RCAN2: variants seen among roughly 807,000 people sequenced by gnomAD.
RCAN2 encodes the protein regulator of calcineurin 2.
A neutral mutation model predicts 23.6 loss-of-function variants in RCAN2; 9 were observed. That is an observed-to-expected ratio of 0.38 (90% CI 0.23 to 0.67). RCAN2 has a LOEUF of 0.67. Ranked by LOEUF, RCAN2 falls within the 30% of genes least tolerant of loss-of-function variation. RCAN2 has a pLI of 0.51. For synonymous variants in RCAN2, 109 were observed against 115.7 expected, an observed-to-expected ratio of 0.94 and a Z score of 0.37; for missense variants, 273 against 302.3, an observed-to-expected ratio of 0.90 and a Z score of 0.72.
At chr6:46,249,322 T>C (rs867934819) in intron 2 of RCAN2, among the ~76,000 whole-genome samples, 24 of 146,308 alleles carry the variant, frequency 1.6e-4, no homozygotes, top group African/African-American at 2.5e-4. Context: ...TCTTTCTTTT[T>C]TTTTTTTTTT....
At chr6:46,334,291 G>A (rs2150368764) in intron 2 of RCAN2, among the ~76,000 whole-genome samples, 1 of 152,330 alleles carries the variant, frequency 6.6e-6, no homozygotes, top group Non-Finnish European at 1.5e-5. Context: ...TCCTTGAGAA[G>A]CGGGCTCCTC....
rs3084607 is a variant in RCAN2 at position 46,336,953 on chromosome 6, CA to C, written c.226-88058del. On this transcript the variant is annotated intron_variant, in intron 2 of 4. Coordinates refer to ENST00000371374, the MANE Select transcript of RCAN2 (RefSeq NM_001251974.2). The stretch of plus-strand genomic sequence containing the variant: ...GAGGAGAAAAACATATTGGAAGTAC[CA>C]AAAAAAAAAAAAAGCACAGGGAGAA... Among the ~76,000 whole-genome samples, 199 of 130,228 alleles carry C rather than the reference CA, an allele frequency of 1.5e-3. 1 individual carries two copies. Among genetic ancestry groups the C allele is most frequent in the Middle Eastern group, 4.2e-3 (1 of 238 alleles). The allele number at this position is 130,228 out of a possible 152,430, so 85.4% of individuals were successfully genotyped here. A position where few individuals can be genotyped will look rare whatever the true frequency, so the allele number is the denominator to read the frequency against.
intron 2 of RCAN2, among the ~76,000 whole-genome samples, chr6:46,269,047 C>A (rs1254326627): frequency 6.6e-6 from 1 of 152,198 alleles, no homozygotes; most frequent in East Asian, 1.9e-4. Context: ...AAAAAATTTG[C>A]TGACTATTCC....
At chr6:46,380,735 T>C (rs1765598327) in intron 2 of RCAN2, among the ~76,000 whole-genome samples, 1 of 152,212 alleles carries the variant, frequency 6.6e-6, no homozygotes, top group African/African-American at 2.4e-5. Flanking sequence ...TTATTTTGAT[T>C]TCCAATCTGC....
intron 2 of RCAN2, among the ~76,000 whole-genome samples, chr6:46,305,931 T>C (rs1763051192): frequency 6.6e-6 from 1 of 152,002 alleles, no homozygotes; most frequent in South Asian, 2.1e-4. Context: ...TTTTTTTTTT[T>C]TTCATGATTA....
chr6:46,272,428 A>G (rs1001378793), intron 2 of RCAN2, among the ~76,000 whole-genome samples: 4 of 152,178 alleles, frequency 2.6e-5, no homozygotes, highest in Non-Finnish European at 4.4e-5. Flanking sequence ...TAAAGAGTCT[A>G]CCCCTTGTGA....
In RCAN2 at chr6:46,271,169, T is replaced by C. The variant is rs540054369; in HGVS notation, c.226-22273A>G. 2.6e-5 allele frequency among the ~76,000 whole-genome samples: 4 copies of C among 152,342 alleles called. No homozygotes were observed. The South Asian group carries it at 8.3e-4, about 32-fold the overall frequency. ...GCCTATCTCTCTATCTGTCTGTCCA[T>C]CCATCTATTTAATGAGAGAAAGAGA... On this transcript the variant is annotated intron_variant, in intron 2 of 4. Coordinates refer to ENST00000371374, the MANE Select transcript of RCAN2 (RefSeq NM_001251974.2).
At chr6:46,311,192 T>C (rs1439308519) in intron 2 of RCAN2, among the ~76,000 whole-genome samples, 1 of 152,296 alleles carries the variant, frequency 6.6e-6, no homozygotes, top group South Asian at 2.1e-4. Flanking sequence ...CTCTCCATGA[T>C]GCCCAAAGTG....
At chr6:46,244,058 C>T (rs558401861) in intron 4 of RCAN2, among the ~76,000 whole-genome samples, 6 of 152,116 alleles carry the variant, frequency 3.9e-5, no homozygotes, top group Non-Finnish European at 5.9e-5. Context: ...TCTACAGCCT[C>T]GTTTCCAAAT....
intron 2 of RCAN2, among the ~76,000 whole-genome samples, chr6:46,263,559 GTA>G (rs1554128507): frequency 0.61 from 67,175 of 110,864 alleles, 19,895 homozygotes; most frequent in Non-Finnish European, 0.7. Flanking sequence ...GTGTGTGTGT[GTA>G]TGTGTGTGTG....
chr6:46,293,628 T>TA (rs1762633826), intron 2 of RCAN2, among the ~76,000 whole-genome samples: 2 of 152,200 alleles, frequency 1.3e-5, no homozygotes, highest in African/African-American at 4.8e-5. Flanking sequence ...TCTTCCCTCT[T>TA]TATTGAGTAT....
chr6:46,257,623 T>A (rs112120900), intron 2 of RCAN2, among the ~76,000 whole-genome samples: 104 of 152,218 alleles, frequency 6.8e-4, no homozygotes, highest in Non-Finnish European at 1.1e-3. Context: ...GAGAACAGCA[T>A]GGGGAAAACT....
intron 2 of RCAN2, among the ~76,000 whole-genome samples, chr6:46,420,952 AC>A (rs1182362152): frequency 8.5e-5 from 13 of 152,338 alleles, no homozygotes; most frequent in African/African-American, 2.9e-4. Context: ...TGTGCTAGGC[AC>A]TAAGGAGGCT....
At chr6:46,323,266 C>T (rs1295977983) in intron 2 of RCAN2, among the ~76,000 whole-genome samples, 1 of 151,894 alleles carries the variant, frequency 6.6e-6, no homozygotes, top group African/African-American at 2.4e-5. Flanking sequence ...AGGAGTCAGG[C>T]ACTGTGTTAA....
chr6:46,319,226 T>A (rs111524303), intron 2 of RCAN2, among the ~76,000 whole-genome samples: 5,379 of 152,238 alleles, frequency 0.035, 321 homozygotes, highest in African/African-American at 0.12. Flanking sequence ...ATAATAAGTG[T>A]TTCAGGTATC....
intron 2 of RCAN2, among the ~76,000 whole-genome samples, chr6:46,307,069 C>T (rs1437375553): frequency 2.0e-5 from 3 of 152,046 alleles, no homozygotes; most frequent in Non-Finnish European, 4.4e-5. Context: ...TTTCTAAAAC[C>T]CATGCAGAAC....
intron 1 of RCAN2, among the ~76,000 whole-genome samples, chr6:46,476,889 C>T (rs552094791): frequency 3.3e-5 from 5 of 152,226 alleles, no homozygotes; most frequent in Admixed American, 6.5e-5. Context: ...TTAAAACTTT[C>T]GGTCCCCCAA....
chr6:46,468,730 CCTCTCTCCCCTCTCTT>C (rs1768464164), intron 1 of RCAN2: 7 of 720,196 alleles, frequency 9.7e-6, no homozygotes, highest in African/African-American at 3.8e-5. Context: ...CCTCAGATTC[CCTCTCTCCCCTCTCTT>C]CTCTCTCCCC....
intron 2 of RCAN2, among the ~76,000 whole-genome samples, chr6:46,392,012 A>T (rs913626631): frequency 2.6e-5 from 4 of 152,226 alleles, no homozygotes; most frequent in Admixed American, 1.3e-4. Flanking sequence ...AGTTTTGCCG[A>T]ATGGTGGAGA....
Sources: gnomAD v4.1 joint callset for allele counts (sites outside exome capture counted in the v4.1 genomes callset) on GRCh38, gnomAD v4.1.1 for gene constraint, MANE v1.5 for transcripts, NCBI Gene and HGNC (gene_info 2026-07-23, HGNC 2026-07-21) for gene names.